LIMS2: variants seen among roughly 807,000 people sequenced by gnomAD.
LIMS2 encodes LIM zinc finger domain containing 2.
LIMS2 carries 30 observed loss-of-function variants against 45.3 expected under a neutral mutation model. That is an observed-to-expected ratio of 0.66 (90% CI 0.50 to 0.90). The LOEUF is 0.90. Among genes scored for constraint, LIMS2 ranks in the 40% least tolerant of loss-of-function variants. The probability of loss-of-function intolerance (pLI) is 0.00; values close to 1 mark genes in which losing one functional copy is unlikely to be tolerated. For missense variants in LIMS2, 485 were observed against 468.7 expected (o/e 1.03, Z -0.32); for synonymous variants, 173 against 188.0 (o/e 0.92, Z 0.65).
In LIMS2 at chr2:127,661,079, G is replaced by T. The variant is rs575813059; in HGVS notation, c.12-3517C>A. On this transcript the variant is annotated intron_variant, in intron 1 of 9. Transcript: ENST00000355119. ...CAGACAGAAGCATGCAGAGACAACG[G>T]AGACACAGCACCATGAGAGAACACG... 1.1e-4 allele frequency among the ~76,000 whole-genome samples: 17 copies of T among 152,354 alleles called. No homozygotes were observed. The South Asian group carries it at 2.7e-3, about 24-fold the overall frequency.
intron 4 of LIMS2, among the ~76,000 whole-genome samples, chr2:127,648,958 AGGGGAG>A (rs1683300734): frequency 7.3e-5 from 2 of 27,422 alleles, no homozygotes; most frequent in African/African-American, 3.2e-4. Flanking sequence ...AGGGGAGGGG[AGGGGAG>A]GGGGGGAGGG....
At chr2:127,670,901 G>A (rs968379207) in intron 1 of LIMS2, among the ~76,000 whole-genome samples, 5 of 152,264 alleles carry the variant, frequency 3.3e-5, no homozygotes, top group African/African-American at 4.8e-5. Flanking sequence ...CTCCAAGGAC[G>A]TGGGTGAGGA....
At chr2:127,649,248 C>T in intron 4 of LIMS2, among the ~76,000 whole-genome samples, 1 of 146,540 alleles carries the variant, frequency 6.8e-6, no homozygotes, top group East Asian at 2.0e-4. Context: ...TTGCTGCAGG[C>T]AGGACCCCGG....
Position 127,647,083 on chromosome 2 carries a change from G to A in LIMS2, c.360-4011C>T, listed in dbSNP as rs1400201540. ...GGGCTGGAGGCAGGAGGCACCACAGGCCCACCTGGTGCCATGAGATATGCC... is the reference window on the plus strand; with the variant it reads ...GGGCTGGAGGCAGGAGGCACCACAGACCCACCTGGTGCCATGAGATATGCC... On this transcript the variant is annotated intron_variant, in intron 4 of 9. Transcript: ENST00000355119. This position sits in a 1 kb window ranked among gnomAD's most constrained non-coding sequence, Gnocchi z 4.3. Among the ~76,000 whole-genome samples the A allele has an allele frequency of 6.6e-6, 1 of 152,192 alleles. No individual in the cohort carries two copies. The highest frequency in any genetic ancestry group is 6.5e-5 in the Admixed American group (1 of 15,286).
intron 3 of LIMS2, 91 bp from the exon 4 acceptor site, chr2:127,654,635 G>A: frequency 1.3e-6 from 2 of 1,581,012 alleles, no homozygotes; most frequent in East Asian, 4.5e-5. Context: ...CACTCCGCCT[G>A]CTCTCTGCCT....
At chr2:127,656,832 G>A (rs1379864000) in intron 2 of LIMS2, among the ~76,000 whole-genome samples, 1 of 152,118 alleles carries the variant, frequency 6.6e-6, no homozygotes, top group Non-Finnish European at 1.5e-5. Flanking sequence ...GGGGCCAAGC[G>A]AGATCCACCT....
intron 2 of LIMS2, among the ~76,000 whole-genome samples, chr2:127,656,440 G>A (rs1242046160): frequency 6.3e-5 from 9 of 143,260 alleles, no homozygotes; most frequent in Admixed American, 5.0e-4. Context: ...TTTAGATGGA[G>A]TCTTGCTCTG....
chr2:127,665,171 A>G (rs10185637), intron 1 of LIMS2, among the ~76,000 whole-genome samples: 50,169 of 152,090 alleles, frequency 0.33, 8,548 homozygotes, highest in Middle Eastern at 0.48. Flanking sequence ...TGACCAAGGT[A>G]AGCCTGGTCA....
chr2:127,662,607 C>T (rs1333832828), intron 1 of LIMS2, among the ~76,000 whole-genome samples: 3 of 131,510 alleles, frequency 2.3e-5, no homozygotes, highest in African/African-American at 8.9e-5. Flanking sequence ...GGAAGGGGAA[C>T]ATCACACACC....
rs992776852 is a variant in LIMS2 at position 127,671,249 on chromosome 2, G to A, written c.11+3765C>T. On this transcript the variant is annotated intron_variant, in intron 1 of 9. Coordinates refer to ENST00000355119, the MANE Select transcript of LIMS2 (RefSeq NM_001161403.3). The surrounding 1 kb of genome is among the most constrained non-coding windows in gnomAD (Gnocchi z 4.1). Reference sequence around the variant, plus strand: ...GATCAAGACCACCATGGCCAACACGGTAAAACCCCATCTCCAATAAAAATA... The same window carrying A: ...GATCAAGACCACCATGGCCAACACGATAAAACCCCATCTCCAATAAAAATA... Among the ~76,000 whole-genome samples, 2 of 152,080 alleles carry A rather than the reference G, an allele frequency of 1.3e-5. No individual in the cohort carries two copies. The highest frequency in any genetic ancestry group is 2.9e-5 in the Non-Finnish European group (2 of 68,026).
At chr2:127,657,365 C>T (rs761383522) in intron 2 of LIMS2, 38 bp downstream of exon 2, 29 of 1,612,454 alleles carry the variant, frequency 1.8e-5, no homozygotes, top group African/African-American at 1.3e-4. Context: ...GGGCAGACTC[C>T]GAGCTGGGTC....
chr2:127,657,616 G>A, intron 1 of LIMS2, 54 bp from the exon 2 acceptor site: 1 of 1,520,452 alleles, frequency 6.6e-7, no homozygotes, highest in Non-Finnish European at 8.9e-7. Flanking sequence ...GTGCAGATGG[G>A]GCACACGCGG....
At chr2:127,651,840 TC>T (rs1215883680) in intron 4 of LIMS2, 2 of 1,307,950 alleles carry the variant, frequency 1.5e-6, no homozygotes, top group Non-Finnish European at 2.1e-6. Context: ...CCCAGCCACC[TC>T]CCCAGCAAGC....
At chr2:127,670,942 C>G (rs922054650) in intron 1 of LIMS2, among the ~76,000 whole-genome samples, 2 of 152,242 alleles carry the variant, frequency 1.3e-5, no homozygotes, top group African/African-American at 4.8e-5. Context: ...TATGTGTATT[C>G]AGTCACCTCA....
rs972460475 is a variant in LIMS2, at chr2:127,672,528, C to T, written c.11+2486G>A. Among the ~76,000 whole-genome samples, 1 of 152,164 alleles carries T rather than the reference C, an allele frequency of 6.6e-6. No homozygotes were observed. Among genetic ancestry groups the T allele is most frequent in the Non-Finnish European group, 1.5e-5 (1 of 68,020 alleles). On this transcript the variant is annotated intron_variant, in intron 1 of 9. Coordinates refer to ENST00000355119, the MANE Select transcript of LIMS2 (RefSeq NM_001161403.3). This position sits in a 1 kb window ranked among gnomAD's most constrained non-coding sequence, Gnocchi z 4.9. Reference sequence around the variant, plus strand: ...CCACCTGTCATCACAGGAGGGGCATCCTCCCGAGCCCCACCCTCTGTGGCC... The same window carrying T: ...CCACCTGTCATCACAGGAGGGGCATTCTCCCGAGCCCCACCCTCTGTGGCC...
intron 1 of LIMS2, among the ~76,000 whole-genome samples, chr2:127,670,491 C>G (rs568615733): frequency 6.6e-6 from 1 of 152,282 alleles, no homozygotes; most frequent in African/African-American, 2.4e-5. Context: ...GAAATGAGGA[C>G]TGTCTGCAAA....
chr2:127,664,549 TG>T lies in LIMS2; in HGVS notation c.12-6988del, dbSNP rs1484524846. 6.7e-5 allele frequency: 77 copies of T among 1,150,002 alleles called. No individual in the cohort carries two copies. Among genetic ancestry groups the T allele is most frequent in the African/African-American group, 9.8e-5 (6 of 61,334 alleles). The allele number at this position is 1,150,002 out of a possible 1,614,324, so 71.2% of individuals were successfully genotyped here. ...CTGGTCGCGAGCTCACGTTACGCGCTGGGATCTCCAAAGGGCAGCAGAGTCA... is the reference window on the plus strand; with the variant it reads ...CTGGTCGCGAGCTCACGTTACGCGCTGGATCTCCAAAGGGCAGCAGAGTCA... On this transcript the variant is annotated intron_variant, in intron 1 of 9. Transcript: ENST00000355119. This position sits in a 1 kb window ranked among gnomAD's most constrained non-coding sequence, Gnocchi z 5.5.
intron 1 of LIMS2, among the ~76,000 whole-genome samples, chr2:127,669,559 C>CA (rs896556514): frequency 4.6e-4 from 67 of 146,948 alleles, no homozygotes; most frequent in South Asian, 8.7e-4. Context: ...ACTAAAAATA[C>CA]AAAAAAAAAA....
chr2:127,639,298 C>CTGT lies in LIMS2; in HGVS notation c.1006_1008dup (p.Thr336dup). On this transcript the variant is annotated inframe_insertion, in exon 10 of 10. Coordinates refer to ENST00000355119, the MANE Select transcript of LIMS2 (RefSeq NM_001161403.3). ...GAGGGCCTTCAGGCAGAGTTGAGGT[C>CTGT]TGTGGCCTTGGGCTGGGCCTTGCGG... is the stretch of plus-strand genomic sequence containing the variant. 6.2e-7 allele frequency: 1 copy of CTGT among 1,613,788 alleles called. No individual in the cohort carries two copies. Among genetic ancestry groups the CTGT allele is most frequent in the Non-Finnish European group, 8.5e-7 (1 of 1,179,864 alleles).
Sources: gnomAD v4.1 joint callset for allele counts (sites outside exome capture counted in the v4.1 genomes callset) on GRCh38, gnomAD v4.1.1 for gene constraint, Gnocchi (gnomAD v3.1) non-coding constraint, MANE v1.5 for transcripts, NCBI Gene and HGNC (gene_info 2026-07-23, HGNC 2026-07-21) for gene names.